The following PABIR2 variants were observed in gnomAD, a reference collection of about 807,000 sequenced individuals.
PABIR2 encodes the protein PABIR family member 2, also known as family with sequence similarity 122B.
Under a neutral mutation model 22.8 loss-of-function variants are expected in PABIR2, and 7 were observed. The ratio of observed to expected loss-of-function variants is 0.31; its 90% confidence interval spans 0.17 to 0.58. PABIR2 has a LOEUF of 0.58. PABIR2 is among the 20% of genes least tolerant of loss of function. PABIR2 has a pLI of 0.89. For missense variants in PABIR2, 155 were observed against 205.1 expected, an observed-to-expected ratio of 0.76 and a Z score of 1.49; for synonymous variants, 67 against 73.8, an observed-to-expected ratio of 0.91 and a Z score of 0.47.
At chrX:134,793,971 T>G (rs780477359) in intron 1 of PABIR2, 78 bp from the exon 2 acceptor site, 1 of 1,149,171 alleles carries the variant, frequency 8.7e-7, no homozygotes, top group East Asian at 3.0e-5. Context: ...TTCAAATACA[T>G]TAGCATCAGT....
In PABIR2 at chrX:134,771,419, C is replaced by T; in HGVS notation, c.*720G>A. 8.9e-7 allele frequency: 1 copy of T among 1,119,397 alleles called. No individual in the cohort carries two copies. The highest frequency in any genetic ancestry group is 1.2e-6 in the Non-Finnish European group (1 of 856,784). 92.3% of individuals were successfully genotyped at this position (1,119,397 alleles called of 1,213,427 possible). On this transcript the variant is annotated 3_prime_UTR_variant, in exon 10 of 10. Transcript: ENST00000343004. ...ACAGGTTTGAGGAGAAATATATCAA[C>T]TGTGGTAGCAAAGTCATAAGAACCT...
At chrX:134,787,834 G>A (rs749111161) in intron 6 of PABIR2, among the ~76,000 whole-genome samples, 5 of 102,497 alleles carry the variant, frequency 4.9e-5, no homozygotes, top group African/African-American at 1.8e-4. Context: ...GTCTCGCCAT[G>A]TTGCCCAGGC....
At position 134,780,069 on chromosome X, in the gene PABIR2, A is replaced by G. The variant is rs149189959; in HGVS notation, c.659+1752T>C. ...AAAGGCATCTATCTGTTCCAAGGTT[A>G]GAATAGTACTGATCAACAAGACTAA... On this transcript the variant is annotated intron_variant, in intron 9 of 9. Coordinates refer to ENST00000343004, the MANE Select transcript of PABIR2 (RefSeq NM_001387468.1). Among the ~76,000 whole-genome samples the G allele has an allele frequency of 1.7e-4, 19 of 112,987 alleles. No individual in the cohort carries two copies. In the East Asian group the frequency reaches 5.3e-3, roughly 31 times the overall value.
At position 134,771,440 on chromosome X, in the gene PABIR2, A is replaced by G; in HGVS notation, c.*699T>C. 2 of 1,095,166 alleles carry G rather than the reference A, an allele frequency of 1.8e-6. No individual in the cohort carries two copies. The highest frequency in any genetic ancestry group is 6.9e-5 in the East Asian group (2 of 29,099). 90.3% of individuals were successfully genotyped at this position (1,095,166 alleles called of 1,213,427 possible). On this transcript the variant is annotated 3_prime_UTR_variant, in exon 10 of 10. Coordinates refer to ENST00000343004, the MANE Select transcript of PABIR2 (RefSeq NM_001387468.1). ...TCAACTGTGGTAGCAAAGTCATAAGAACCTGTGATGACTAATCCAAGCATC... is the reference window on the plus strand; with the variant it reads ...TCAACTGTGGTAGCAAAGTCATAAGGACCTGTGATGACTAATCCAAGCATC...
At chrX:134,778,287 C>T (rs1226733035) in intron 9 of PABIR2, among the ~76,000 whole-genome samples, 4 of 103,767 alleles carry the variant, frequency 3.9e-5, no homozygotes, top group Non-Finnish European at 7.9e-5. Context: ...GGCGGATCAC[C>T]TGAGGTCAGG....
intron 1 of PABIR2, chrX:134,794,146 G>A (rs1009360755): frequency 7.2e-6 from 3 of 418,824 alleles, no homozygotes; most frequent in Admixed American, 9.3e-5. Flanking sequence ...TGATGCAGGC[G>A]GAGCTCCAGA....
At chrX:134,788,603 C>T (rs2079451308) in intron 6 of PABIR2, 127 bp downstream of exon 6, 4 of 367,422 alleles carry the variant, frequency 1.1e-5, no homozygotes, top group Non-Finnish European at 1.4e-5. Context: ...TTCCAAATTA[C>T]TGCTGTAGAT....
chrX:134,781,857 G>C lies in PABIR2; in HGVS notation c.623C>G (p.Ser208Cys), dbSNP rs1469531770. 8.3e-7 allele frequency: 1 copy of C among 1,203,919 alleles called. No individual in the cohort carries two copies. Among genetic ancestry groups the C allele is most frequent in the Non-Finnish European group, 1.1e-6 (1 of 891,064 alleles). Residue 208 changes from serine to cysteine, a missense_variant, in exon 9 of 10, where the codon TCT becomes TGT. Transcript: ENST00000343004. The stretch of plus-strand genomic sequence containing the variant: ...ATCAGACAGTTGCGCGGCATCTGGA[G>C]ATAACATATTGGTAGTGCCTTGGAA... ...RLFQGTTNML[S>C]PDAAQLSDLS...
chrX:134,771,541 A>G lies in PABIR2; in HGVS notation c.*598T>C. ...ACCCCAACAGCAAAGAAGCAATAAG[A>G]GTAATGAAAGCAACTACGTATTTCT... On this transcript the variant is annotated 3_prime_UTR_variant, in exon 10 of 10. Transcript: ENST00000343004. 1 of 968,346 alleles carries G rather than the reference A, an allele frequency of 1.0e-6. No homozygotes were observed. The highest frequency in any genetic ancestry group is 1.3e-6 in the Non-Finnish European group (1 of 775,494). The allele number at this position is 968,346 out of a possible 1,213,427, so 79.8% of individuals were successfully genotyped here. A position where few individuals can be genotyped will look rare whatever the true frequency, so the allele number is the denominator to read the frequency against.
At chrX:134,774,506 GATTCC>G (rs899423315) in intron 9 of PABIR2, among the ~76,000 whole-genome samples, 2 of 110,843 alleles carry the variant, frequency 1.8e-5, no homozygotes, top group African/African-American at 6.6e-5. Flanking sequence ...TGGGTTAAAA[GATTCC>G]ATTTGTAATA....
intron 2 of PABIR2, 102 bp downstream of exon 2, chrX:134,793,712 CT>C: frequency 1.0e-6 from 1 of 985,634 alleles, no homozygotes; most frequent in Non-Finnish European, 1.4e-6. Flanking sequence ...TCAATCTTTT[CT>C]TTCTTAAACA....
rs1015657780 is a variant in PABIR2, at chrX:134,788,939, T to C, written c.334-108A>G. On this transcript the variant is annotated intron_variant, in intron 5 of 9. Transcript: ENST00000343004. ...CCAAGGAGAAAGGTATAGACTCTAA[T>C]ATTCTGCTGGAAAAGCAGAGATCAA... is the stretch of plus-strand genomic sequence containing the variant. 8.9e-6 allele frequency: 9 copies of C among 1,009,985 alleles called. No homozygotes were observed. In the African/African-American group the frequency reaches 1.7e-4, roughly 19 times the overall value. The allele number at this position is 1,009,985 out of a possible 1,213,427, so 83.2% of individuals were successfully genotyped here.
rs750222655 is a variant in PABIR2 at position 134,796,150 on chromosome X, G to T, written c.56C>A (p.Thr19Asn). ...DLEPDTSYGG[T>N]LRRSSSAPLI... Reference sequence around the variant, plus strand: ...GGGAGCGCTGCTGGATCTCCTCAGGGTTCCCCCATAAGATGTGTCAGGCTC... The same window carrying T: ...GGGAGCGCTGCTGGATCTCCTCAGGTTTCCCCCATAAGATGTGTCAGGCTC... The change falls in exon 1 of 10, where the codon ACC (threonine) becomes AAC (asparagine). Residue 19 changes from threonine (T) to asparagine (N), a missense_variant. Transcript: ENST00000343004. 1.2e-5 allele frequency: 14 copies of T among 1,210,858 alleles called. No individual in the cohort carries two copies. Among genetic ancestry groups the T allele is most frequent in the Non-Finnish European group, 1.6e-5 (14 of 895,308 alleles).
intron 3 of PABIR2, 27 bp from the exon 4 acceptor site, chrX:134,789,293 A>C: frequency 8.3e-7 from 1 of 1,209,725 alleles, no homozygotes; most frequent in Non-Finnish European, 1.1e-6. Context: ...ATATGCTAAA[A>C]AGGCAGGATC....
At chrX:134,792,320 T>C (rs1372743430) in intron 2 of PABIR2, among the ~76,000 whole-genome samples, 1 of 112,054 alleles carries the variant, frequency 8.9e-6, no homozygotes, top group African/African-American at 3.2e-5. Flanking sequence ...TAGACCATGG[T>C]TGATAAGAAT....
At position 134,770,365 on chromosome X, in the gene PABIR2, A is replaced by G. The variant is rs1005971826; in HGVS notation, c.*1774T>C. 1 of 112,728 alleles carries G rather than the reference A, an allele frequency of 8.9e-6. No homozygotes were observed. The highest frequency in any genetic ancestry group is 3.2e-5 in the African/African-American group (1 of 30,992). 9.3% of individuals were successfully genotyped at this position (112,728 alleles called of 1,213,427 possible). On this transcript the variant is annotated 3_prime_UTR_variant, in exon 10 of 10. Coordinates refer to ENST00000343004, the MANE Select transcript of PABIR2 (RefSeq NM_001387468.1). ...GAGACTTTTCCCAGATGAGAGCAAT[A>G]CAAGAAATAAAGCCATTAATGGCTG... is the stretch of plus-strand genomic sequence containing the variant.
intron 9 of PABIR2, 94 bp from the exon 10 acceptor site, chrX:134,772,377 A>T: frequency 1.2e-6 from 1 of 856,804 alleles, no homozygotes; most frequent in Non-Finnish European, 1.6e-6. Flanking sequence ...CAAATCAGTA[A>T]ATCACTTGTA....
chrX:134,786,010 C>A, intron 7 of PABIR2, 60 bp from the exon 8 acceptor site: 1 of 1,004,420 alleles, frequency 1.0e-6, no homozygotes, highest in Non-Finnish European at 1.4e-6. Context: ...GATAAAACAG[C>A]AGTCCAGCCC....
intron 9 of PABIR2, among the ~76,000 whole-genome samples, chrX:134,776,635 G>T (rs1363795442): frequency 9.1e-6 from 1 of 109,843 alleles, no homozygotes; most frequent in Non-Finnish European, 1.9e-5. Flanking sequence ...GAAAAGAAAA[G>T]AAAAGAAAAA....
Sources: gnomAD v4.1 joint callset for allele counts (sites outside exome capture counted in the v4.1 genomes callset) on GRCh38, gnomAD v4.1.1 for gene constraint, MANE v1.5 for transcripts, NCBI Gene and HGNC (gene_info 2026-07-23, HGNC 2026-07-21) for gene names.